The following ST6GALNAC3 variants were observed in gnomAD, a reference collection of about 807,000 sequenced individuals.
ST6GALNAC3 encodes alpha-N-acetylgalactosaminide alpha-2,6-sialyltransferase 3.
In ST6GALNAC3, 25 loss-of-function variants were observed where a neutral mutation model predicts 32.7. The observed-to-expected ratio is 0.76, with a 90% confidence interval of 0.56 to 1.07. The LOEUF (loss-of-function observed/expected upper bound fraction) is 1.07, where lower values mean the gene tolerates loss of function less well. ST6GALNAC3 is among the 50% of genes least tolerant of loss of function. The pLI, the probability that ST6GALNAC3 is intolerant of heterozygous loss-of-function variation, is 0.00. For missense variants in ST6GALNAC3, 355 were observed against 382.4 expected, an observed-to-expected ratio of 0.93 and a Z score of 0.60; for synonymous variants, 129 against 133.1, an observed-to-expected ratio of 0.97 and a Z score of 0.21.
At chr1:76,320,987 A>T (rs970771610) in intron 2 of ST6GALNAC3, among the ~76,000 whole-genome samples, 11 of 148,358 alleles carry the variant, frequency 7.4e-5, no homozygotes, top group Non-Finnish European at 1.5e-4. Context: ...CACACACATT[A>T]TATATATATA....
intron 3 of ST6GALNAC3, among the ~76,000 whole-genome samples, chr1:76,428,090 C>G (rs1173277497): frequency 6.6e-6 from 1 of 152,068 alleles, no homozygotes; most frequent in Non-Finnish European, 1.5e-5. Flanking sequence ...CATCCAGCCC[C>G]TTGTTGCCAT....
intron 2 of ST6GALNAC3, among the ~76,000 whole-genome samples, chr1:76,332,431 G>A (rs1162118578): frequency 1.3e-5 from 2 of 152,142 alleles, no homozygotes; most frequent in Non-Finnish European, 2.9e-5. Context: ...ATTTTCCTAT[G>A]TTCATCTCAT....
At chr1:76,604,554 A>G (rs1647399388) in intron 3 of ST6GALNAC3, among the ~76,000 whole-genome samples, 2 of 152,120 alleles carry the variant, frequency 1.3e-5, no homozygotes, top group South Asian at 2.1e-4. Context: ...CCTTAGGCTC[A>G]TTCCTGTTCC....
chr1:76,329,567 C>T (rs1647147539), intron 2 of ST6GALNAC3, among the ~76,000 whole-genome samples: 1 of 152,156 alleles, frequency 6.6e-6, no homozygotes, highest in Admixed American at 6.5e-5. Context: ...TCTACCGATT[C>T]CTTAAAATCC....
intron 1 of ST6GALNAC3, among the ~76,000 whole-genome samples, chr1:76,165,960 TTGTC>T (rs1652099771): frequency 6.6e-6 from 1 of 152,194 alleles, no homozygotes; most frequent in Non-Finnish European, 1.5e-5. Context: ...ATTCTGTAGG[TTGTC>T]TGTTCACTTT....
Position 76,388,414 on chromosome 1 carries a change from A to G in ST6GALNAC3, c.214-23594A>G, listed in dbSNP as rs552384620. Among the ~76,000 whole-genome samples the G allele has an allele frequency of 2.9e-3, 439 of 152,316 alleles. 2 individuals are homozygous for G. Among genetic ancestry groups the G allele is most frequent in the Non-Finnish European group, 5.1e-3 (350 of 68,022 alleles). The stretch of plus-strand genomic sequence containing the variant: ...ATTTTAATAACCTCCATGCTGTGCT[A>G]TGAATTTATAAGCAGAGCTGATAGA... On this transcript the variant is annotated intron_variant, in intron 2 of 4. Transcript: ENST00000328299.
chr1:76,395,133 T>G (rs908455862), intron 2 of ST6GALNAC3, among the ~76,000 whole-genome samples: 2 of 152,160 alleles, frequency 1.3e-5, no homozygotes, highest in Non-Finnish European at 2.9e-5. Flanking sequence ...AGGTCATAAA[T>G]TCGAGTTCCA....
chr1:76,346,904 A>G, intron 2 of ST6GALNAC3, among the ~76,000 whole-genome samples: 1 of 152,360 alleles, frequency 6.6e-6, no homozygotes, highest in East Asian at 1.9e-4. Flanking sequence ...TATAATTATT[A>G]TGACGTTTAC....
intron 2 of ST6GALNAC3, among the ~76,000 whole-genome samples, chr1:76,366,731 C>T (rs1353353569): frequency 6.6e-6 from 1 of 152,018 alleles, no homozygotes; most frequent in Non-Finnish European, 1.5e-5. Context: ...AATACACACA[C>T]AAGTACTGAA....
At chr1:76,233,910 A>T (rs895242800) in intron 1 of ST6GALNAC3, among the ~76,000 whole-genome samples, 2 of 151,892 alleles carry the variant, frequency 1.3e-5, no homozygotes, top group African/African-American at 4.9e-5. Flanking sequence ...TATATCTGTG[A>T]TATTAAAATT....
chr1:76,263,560 A>T (rs1449375209), intron 1 of ST6GALNAC3, among the ~76,000 whole-genome samples: 3 of 152,188 alleles, frequency 2.0e-5, no homozygotes, highest in African/African-American at 7.2e-5. Context: ...AAAGAAGATC[A>T]TTGAGATGTG....
intron 3 of ST6GALNAC3, among the ~76,000 whole-genome samples, chr1:76,546,762 G>T (rs1664321605): frequency 6.6e-6 from 1 of 152,212 alleles, no homozygotes; most frequent in African/African-American, 2.4e-5. Flanking sequence ...TGAAAGAGAA[G>T]TCCAGGTTGA....
chr1:76,565,591 A>G (rs908892702), intron 3 of ST6GALNAC3, among the ~76,000 whole-genome samples: 7 of 152,200 alleles, frequency 4.6e-5, no homozygotes, highest in African/African-American at 7.2e-5. Context: ...TCCTTCCTGC[A>G]TTATAGAAAA....
intron 1 of ST6GALNAC3, among the ~76,000 whole-genome samples, chr1:76,099,977 G>T (rs1452522695): frequency 2.0e-5 from 3 of 151,844 alleles, no homozygotes; most frequent in Non-Finnish European, 4.4e-5. Flanking sequence ...ATTTTTCAAA[G>T]AAATATCCAC....
At chr1:76,304,475 G>A (rs1197054217) in intron 1 of ST6GALNAC3, among the ~76,000 whole-genome samples, 1 of 151,716 alleles carries the variant, frequency 6.6e-6, no homozygotes, top group African/African-American at 2.4e-5. Context: ...AGTTATATTG[G>A]AACTTGCAGA....
chr1:76,479,017 C>A (rs1212938671), intron 3 of ST6GALNAC3, among the ~76,000 whole-genome samples: 1 of 152,010 alleles, frequency 6.6e-6, no homozygotes, highest in Non-Finnish European at 1.5e-5. Flanking sequence ...CCCACCTTGG[C>A]CTCCCAAAGT....
At chr1:76,384,086 T>G (rs1035100393) in intron 2 of ST6GALNAC3, among the ~76,000 whole-genome samples, 6 of 152,112 alleles carry the variant, frequency 3.9e-5, no homozygotes, top group African/African-American at 1.4e-4. Flanking sequence ...GGCCTAAACA[T>G]TCTCATTAAA....
chr1:76,095,963 T>C (rs1384883090), intron 1 of ST6GALNAC3, among the ~76,000 whole-genome samples: 1 of 152,102 alleles, frequency 6.6e-6, no homozygotes, highest in Non-Finnish European at 1.5e-5. Context: ...TGACAGTCAT[T>C]GGTTAAATCT....
intron 1 of ST6GALNAC3, among the ~76,000 whole-genome samples, chr1:76,216,016 A>T (rs941471437): frequency 1.3e-5 from 2 of 151,924 alleles, no homozygotes; most frequent in Admixed American, 6.6e-5. Flanking sequence ...GTTTCTTTTC[A>T]TCCCTCTCCT....
Sources: allele counts gnomAD v4.1 joint callset (sites outside exome capture counted in the v4.1 genomes callset), GRCh38; gene constraint gnomAD v4.1.1; transcripts MANE v1.5; gene names NCBI Gene and HGNC (gene_info 2026-07-23, HGNC 2026-07-21).